Variants in DNAJC3 observed in about 807,000 individuals in gnomAD.
DNAJC3 encodes the protein dnaJ homolog subfamily C member 3.
A neutral mutation model predicts 68.6 loss-of-function variants in DNAJC3; 38 were observed. The ratio of observed to expected loss-of-function variants is 0.55; its 90% CI spans 0.43 to 0.73. The LOEUF is 0.73. Among genes scored for constraint, DNAJC3 ranks in the 30% least tolerant of loss-of-function variants. The pLI, the probability that DNAJC3 is intolerant of heterozygous loss-of-function variation, is 0.00. For missense variants in DNAJC3, 526 were observed against 591.9 expected (o/e 0.89, Z 1.16); for synonymous variants, 203 against 204.0 (o/e 1.00, Z 0.04).
At chr13:95,728,270 A>G (rs1422682134) in intron 4 of DNAJC3, among the ~76,000 whole-genome samples, 2 of 152,220 alleles carry the variant, frequency 1.3e-5, no homozygotes, top group Non-Finnish European at 2.9e-5. Context: ...TTATTTTGTA[A>G]GAAAGCACCA....
intron 2 of DNAJC3, among the ~76,000 whole-genome samples, chr13:95,713,120 A>G (rs1420089184): frequency 2.0e-5 from 3 of 152,158 alleles, no homozygotes; most frequent in Non-Finnish European, 2.9e-5. Flanking sequence ...CTGTGAGTCA[A>G]TTAAGCCTCT....
At chr13:95,700,479 A>C (rs921404702) in intron 1 of DNAJC3, among the ~76,000 whole-genome samples, 1 of 152,160 alleles carries the variant, frequency 6.6e-6, no homozygotes, top group African/African-American at 2.4e-5. Context: ...CCTTATACCA[A>C]GAGGTCCAAC....
At chr13:95,766,646 AT>A (rs1032274433) in intron 9 of DNAJC3, among the ~76,000 whole-genome samples, 5 of 151,894 alleles carry the variant, frequency 3.3e-5, no homozygotes, top group Non-Finnish European at 7.4e-5. Flanking sequence ...AGTGGAGAGT[AT>A]GGAATTTAGA....
At chr13:95,715,883 G>T (rs1353507392) in intron 2 of DNAJC3, among the ~76,000 whole-genome samples, 1 of 151,976 alleles carries the variant, frequency 6.6e-6, no homozygotes, top group African/African-American at 2.4e-5. Flanking sequence ...AAGGCTGGGC[G>T]TGGTGGCTCA....
intron 1 of DNAJC3, among the ~76,000 whole-genome samples, chr13:95,682,054 GT>G (rs1566463748): frequency 6.6e-6 from 1 of 151,980 alleles, no homozygotes; most frequent in Non-Finnish European, 1.5e-5. Context: ...TTGTATCTTT[GT>G]GCTGCTATAA....
chr13:95,775,391 C>G (rs1453084173), intron 9 of DNAJC3, among the ~76,000 whole-genome samples: 1 of 152,152 alleles, frequency 6.6e-6, no homozygotes, highest in African/African-American at 2.4e-5. Context: ...ACTGAGTAGA[C>G]CTCACTAGTT....
intron 4 of DNAJC3, among the ~76,000 whole-genome samples, chr13:95,754,622 G>A (rs1036332348): frequency 5.9e-5 from 9 of 152,130 alleles, no homozygotes; most frequent in Non-Finnish European, 4.4e-5. Context: ...CAAGGTGGGA[G>A]GATCACATGA....
At chr13:95,686,872 G>A (rs531627879) in intron 1 of DNAJC3, among the ~76,000 whole-genome samples, 42 of 152,190 alleles carry the variant, frequency 2.8e-4, no homozygotes, top group African/African-American at 1.0e-3. Flanking sequence ...CCCTTTTTTG[G>A]TGCTGTATGG....
intron 4 of DNAJC3, among the ~76,000 whole-genome samples, chr13:95,726,853 A>G (rs1881540905): frequency 6.6e-6 from 1 of 152,242 alleles, no homozygotes; most frequent in African/African-American, 2.4e-5. Context: ...AAAGAAAACT[A>G]AAATTTCTAA....
At chr13:95,709,894 C>G (rs1040508171) in intron 2 of DNAJC3, among the ~76,000 whole-genome samples, 1 of 152,210 alleles carries the variant, frequency 6.6e-6, no homozygotes, top group East Asian at 1.9e-4. Context: ...CCGCCTCGGC[C>G]TCCCAAAGTG....
chr13:95,786,047 A>T lies in DNAJC3; in HGVS notation c.1184A>T (p.Tyr395Phe). Residue 395 changes from tyrosine (Y) to phenylalanine (F), a missense_variant, in exon 10 of 12, where the codon TAT (tyrosine) becomes TTT (phenylalanine). By Grantham distance (22) the Tyr-to-Phe change is conservative. Transcript: ENST00000602402. Reference sequence around the variant, plus strand: ...TTGAAACAGTCGCAGAAACGAGATTATTATAAAATCTTGGGAGTAAAAAGG... The same window carrying T: ...TTGAAACAGTCGCAGAAACGAGATTTTTATAAAATCTTGGGAGTAAAAAGG... ...RLLKQSQKRD[Y>F]YKILGVKRNA... 1 of 1,607,172 alleles carries T rather than the reference A, an allele frequency of 6.2e-7. No individual in the cohort carries two copies.
At chr13:95,729,132 A>G (rs994187382) in intron 4 of DNAJC3, among the ~76,000 whole-genome samples, 15 of 151,914 alleles carry the variant, frequency 9.9e-5, no homozygotes, top group African/African-American at 2.9e-4. Context: ...TATGAACATG[A>G]TTTTAATTCT....
chr13:95,709,337 G>A lies in DNAJC3; in HGVS notation c.193G>A (p.Asp65Asn). 1 of 1,582,168 alleles carries A rather than the reference G, an allele frequency of 6.3e-7. No individual in the cohort carries two copies. The highest frequency in any genetic ancestry group is 8.6e-7 in the Non-Finnish European group (1 of 1,166,840). The part of the protein sequence containing the change: ...DALSQFHAAV[D>N]GDPDNYIAYY... The stretch of plus-strand genomic sequence containing the variant: ...TTTATCTCAGTTTCATGCTGCCGTA[G>A]GTTTGTATCATGGAACCAAATCACT... Residue 65 changes from aspartate (D) to asparagine (N), a missense_variant and splice_region_variant, in exon 2 of 12, where the codon GAT becomes AAT. Asp to Asn is a conservative substitution (Grantham distance 23). Coordinates refer to ENST00000602402, the MANE Select transcript of DNAJC3 (RefSeq NM_006260.5).
intron 9 of DNAJC3, among the ~76,000 whole-genome samples, chr13:95,766,025 T>C (rs759227675): frequency 1.3e-5 from 2 of 152,200 alleles, no homozygotes; most frequent in East Asian, 3.8e-4. Flanking sequence ...CCTGACTTGT[T>C]TGGACTGGAA....
chr13:95,757,846 C>T (rs749316830), intron 5 of DNAJC3, 50 bp downstream of exon 5: 2 of 1,470,654 alleles, frequency 1.4e-6, no homozygotes, highest in South Asian at 2.9e-5. Flanking sequence ...TATTGTAAGG[C>T]ACATTTATAT....
chr13:95,792,139 G>C lies in DNAJC3; in HGVS notation c.*1109G>C, dbSNP rs1347483294. On this transcript the variant is annotated 3_prime_UTR_variant, in exon 12 of 12. Coordinates refer to ENST00000602402, the MANE Select transcript of DNAJC3 (RefSeq NM_006260.5). ...TTTCTCCTGCCTACAAGAAAATACA[G>C]GCAAGGTTAGTCAGGTCTGGCTATA... 1.3e-5 allele frequency: 2 copies of C among 152,200 alleles called. No individual in the cohort carries two copies. Among genetic ancestry groups the C allele is most frequent in the Non-Finnish European group, 2.9e-5 (2 of 68,038 alleles). 9.4% of individuals were successfully genotyped at this position (152,200 alleles called of 1,614,324 possible).
chr13:95,688,063 G>A (rs1250564356), intron 1 of DNAJC3, among the ~76,000 whole-genome samples: 1 of 152,140 alleles, frequency 6.6e-6, no homozygotes, highest in Non-Finnish European at 1.5e-5. Context: ...TTTTGTTATT[G>A]ATTTGGCTCT....
chr13:95,687,559 C>T (rs1012033822), intron 1 of DNAJC3, among the ~76,000 whole-genome samples: 1 of 152,092 alleles, frequency 6.6e-6, no homozygotes, highest in Non-Finnish European at 1.5e-5. Context: ...CCTAGTTAAT[C>T]TAGCTAGCAG....
chr13:95,764,683 T>TATATATATATAC (rs36030034), intron 9 of DNAJC3, among the ~76,000 whole-genome samples: 3 of 88,262 alleles, frequency 3.4e-5, no homozygotes, highest in Middle Eastern at 8.1e-3. Flanking sequence ...TATATATATA[T>TATATATATATAC]ACACACACAC....
Sources: gnomAD v4.1 joint callset for allele counts (sites outside exome capture counted in the v4.1 genomes callset) on GRCh38, gnomAD v4.1.1 for gene constraint, MANE v1.5 for transcripts, NCBI Gene and HGNC (gene_info 2026-07-23, HGNC 2026-07-21) for gene names.